Variants in PPP1R1C observed in about 807,000 individuals in gnomAD.
The protein encoded by PPP1R1C is protein phosphatase 1 regulatory subunit 1C.
A neutral mutation model predicts 17.4 loss-of-function variants in PPP1R1C; 15 were observed. The ratio of observed to expected loss-of-function variants is 0.86; its 90% CI spans 0.58 to 1.33. The LOEUF is 1.33. PPP1R1C is among the 40% of genes most tolerant of loss of function. PPP1R1C has a pLI of 0.00. For synonymous variants in PPP1R1C, 35 were observed against 43.1 expected (o/e 0.81, Z 0.73); for missense variants, 143 against 130.0 (o/e 1.10, Z -0.48).
intron 4 of PPP1R1C, among the ~76,000 whole-genome samples, chr2:182,074,652 C>G (rs1231216064): frequency 2.0e-5 from 3 of 152,246 alleles, no homozygotes; most frequent in East Asian, 1.9e-4. Context: ...ATAACATTTT[C>G]CCTCCTAAAA....
chr2:181,964,341 CCA>C (rs1684868238), intron 1 of PPP1R1C, among the ~76,000 whole-genome samples: 1 of 152,098 alleles, frequency 6.6e-6, no homozygotes, highest in African/African-American at 2.4e-5. Context: ...AAAATATGTA[CCA>C]CAGTTTCTTT....
chr2:182,121,190 CT>C (rs201151516), downstream of PPP1R1C, among the ~76,000 whole-genome samples: 2,278 of 152,216 alleles, frequency 0.015, 34 homozygotes, highest in South Asian at 0.058. Flanking sequence ...TGTAGCTGGA[CT>C]TTGAGTCATT....
At chr2:182,115,268 A>G (rs901646044) in intron 4 of PPP1R1C, among the ~76,000 whole-genome samples, 2 of 152,176 alleles carry the variant, frequency 1.3e-5, no homozygotes, top group African/African-American at 4.8e-5. Context: ...CTAGAGAATG[A>G]TGGAAAGTTT....
chr2:182,116,676 A>C (rs186319665), intron 4 of PPP1R1C, among the ~76,000 whole-genome samples: 49 of 152,302 alleles, frequency 3.2e-4, no homozygotes, highest in African/African-American at 1.2e-3. Flanking sequence ...TTCCCACTGT[A>C]TAGGTTGTGG....
chr2:182,110,429 T>C (rs555559033), intron 4 of PPP1R1C, among the ~76,000 whole-genome samples: 25 of 152,292 alleles, frequency 1.6e-4, no homozygotes, highest in Middle Eastern at 3.4e-3. Context: ...CTTCTCTCCT[T>C]GTATGCTAGC....
Position 181,957,361 on chromosome 2 carries a change from A to G in PPP1R1C, n.111+2727A>G, listed in dbSNP as rs1393408999. Among the ~76,000 whole-genome samples, 1 of 152,124 alleles carries G rather than the reference A, an allele frequency of 6.6e-6. No homozygotes were observed. Among genetic ancestry groups the G allele is most frequent in the Non-Finnish European group, 1.5e-5 (1 of 67,998 alleles). On this transcript the variant is annotated intron_variant and non_coding_transcript_variant, in intron 1 of 5. Coordinates refer to the PPP1R1C transcript ENST00000464264. This position sits in a 1 kb window ranked among gnomAD's most constrained non-coding sequence, Gnocchi z 4.2. Reference sequence around the variant, plus strand: ...GACAGAGTGAGACTCTGTCTTAAAAAGAGAAGAAAAAAATTGTGCTAACTC... The same window carrying G: ...GACAGAGTGAGACTCTGTCTTAAAAGGAGAAGAAAAAAATTGTGCTAACTC...
At chr2:182,005,293 T>C (rs953853130) in intron 2 of PPP1R1C, among the ~76,000 whole-genome samples, 6 of 152,356 alleles carry the variant, frequency 3.9e-5, no homozygotes, top group African/African-American at 1.4e-4. Flanking sequence ...TATCTACTGA[T>C]CTGCTGAGCA....
chr2:181,987,630 CAA>C (rs1685341314), intron 1 of PPP1R1C, among the ~76,000 whole-genome samples: 1 of 152,096 alleles, frequency 6.6e-6, no homozygotes, highest in African/African-American at 2.4e-5. Context: ...GCTTTTTGGT[CAA>C]AGAGGGTGAT....
intron 2 of PPP1R1C, among the ~76,000 whole-genome samples, chr2:182,031,390 A>G (rs901661711): frequency 1.3e-5 from 2 of 152,224 alleles, no homozygotes; most frequent in African/African-American, 4.8e-5. Context: ...CATTATTTTT[A>G]TGTGAAGAAA....
chr2:182,005,234 T>G (rs965456914), intron 2 of PPP1R1C, among the ~76,000 whole-genome samples: 1 of 152,152 alleles, frequency 6.6e-6, no homozygotes, highest in African/African-American at 2.4e-5. Flanking sequence ...TAAAGTAAAT[T>G]CAATTAGACA....
intron 4 of PPP1R1C, among the ~76,000 whole-genome samples, chr2:182,096,681 T>G (rs1688949477): frequency 7.6e-6 from 1 of 132,292 alleles, no homozygotes. Flanking sequence ...TTCCTCCAGA[T>G]GATTAACATG....
intron 2 of PPP1R1C, among the ~76,000 whole-genome samples, chr2:181,995,432 G>A (rs1277035539): frequency 1.3e-5 from 2 of 152,248 alleles, no homozygotes; most frequent in African/African-American, 2.4e-5. Context: ...AGGTAGTTGG[G>A]CTCATGTGTC....
At chr2:182,065,995 G>A (rs1032165585) in intron 4 of PPP1R1C, among the ~76,000 whole-genome samples, 1 of 152,036 alleles carries the variant, frequency 6.6e-6, no homozygotes, top group Non-Finnish European at 1.5e-5. Flanking sequence ...CATTCAAAAT[G>A]AATCTAATGG....
chr2:182,033,904 TGTATCATTGTATTC>T (rs1686922215), intron 2 of PPP1R1C, among the ~76,000 whole-genome samples: 1 of 152,216 alleles, frequency 6.6e-6, no homozygotes, highest in African/African-American at 2.4e-5. Flanking sequence ...GTTTTAGAAA[TGTATCATTGTATTC>T]ATGATATTCT....
At chr2:181,986,225 C>G in intron 1 of PPP1R1C, 34 bp downstream of exon 1, 1 of 1,490,690 alleles carries the variant, frequency 6.7e-7, no homozygotes, top group Non-Finnish European at 9.4e-7. Flanking sequence ...CATTCCTGTA[C>G]ATAAGGTAAT....
intron 2 of PPP1R1C, among the ~76,000 whole-genome samples, chr2:182,029,205 C>A (rs1337488998): frequency 6.7e-6 from 1 of 148,878 alleles, no homozygotes; most frequent in Non-Finnish European, 1.5e-5. Flanking sequence ...GCATTTAGTC[C>A]ATTTACATTT....
chr2:182,019,439 C>T (rs1463708237), intron 2 of PPP1R1C, among the ~76,000 whole-genome samples: 6 of 152,252 alleles, frequency 3.9e-5, no homozygotes, highest in Non-Finnish European at 7.4e-5. Flanking sequence ...CCAGAAGGCA[C>T]GTATTTTCTT....
At chr2:181,992,829 TC>T (rs1685507359) in intron 2 of PPP1R1C, among the ~76,000 whole-genome samples, 1 of 150,406 alleles carries the variant, frequency 6.6e-6, no homozygotes, top group African/African-American at 2.5e-5. Flanking sequence ...TGCCTCAGGT[TC>T]CCAAAAGTTA....
At chr2:182,014,149 A>G (rs1484849200) in intron 2 of PPP1R1C, among the ~76,000 whole-genome samples, 3 of 152,112 alleles carry the variant, frequency 2.0e-5, no homozygotes, top group Non-Finnish European at 2.9e-5. Context: ...TGGTCTTTAT[A>G]GTCTAACCTT....
Sources: gnomAD v4.1 joint callset for allele counts (sites outside exome capture counted in the v4.1 genomes callset) on GRCh38, gnomAD v4.1.1 for gene constraint, Gnocchi (gnomAD v3.1) non-coding constraint, MANE v1.5 for transcripts, NCBI Gene and HGNC (gene_info 2026-07-23, HGNC 2026-07-21) for gene names.